The following PCDH7 variants were observed in gnomAD, a reference collection of about 807,000 sequenced individuals.
PCDH7 encodes the protein protocadherin 7.
A neutral mutation model predicts 58.9 loss-of-function variants in PCDH7; 17 were observed. That is an observed-to-expected ratio of 0.29 (90% CI 0.20 to 0.43). The LOEUF is 0.43. PCDH7 is among the 20% of genes least tolerant of loss of function. The probability of loss-of-function intolerance (pLI) is 1.00; values close to 1 mark genes in which losing one functional copy is unlikely to be tolerated. For synonymous variants in PCDH7, 664 were observed against 616.4 expected (o/e 1.08, Z -1.14); for missense variants, 1,274 against 1,441.0 (o/e 0.88, Z 1.88).
intron 3 of PCDH7, among the ~76,000 whole-genome samples, chr4:31,082,228 A>T (rs13110574): frequency 0.058 from 8,901 of 152,280 alleles, 527 homozygotes; most frequent in East Asian, 0.33. Context: ...CTTTCTAGAC[A>T]GTGTCCAGTC....
intron 3 of PCDH7, among the ~76,000 whole-genome samples, chr4:31,079,345 T>G (rs199900156): frequency 5.7e-4 from 42 of 74,170 alleles, no homozygotes; most frequent in Middle Eastern, 5.8e-3. Context: ...TATATATATA[T>G]ATATATATAT....
At chr4:30,748,322 T>C (rs1417024053) in intron 1 of PCDH7, among the ~76,000 whole-genome samples, 1 of 152,178 alleles carries the variant, frequency 6.6e-6, no homozygotes, top group Non-Finnish European at 1.5e-5. Context: ...TCTGAGTTTG[T>C]TTTCTGTGCT....
chr4:31,124,298 A>C (rs1398841883), intron 3 of PCDH7, among the ~76,000 whole-genome samples: 9 of 152,166 alleles, frequency 5.9e-5, no homozygotes, highest in Non-Finnish European at 1.2e-4. Flanking sequence ...GCATTTTCTC[A>C]TTTACTTCTC....
intron 2 of PCDH7, among the ~76,000 whole-genome samples, chr4:30,929,921 T>C (rs1264126314): frequency 6.6e-6 from 1 of 152,192 alleles, no homozygotes; most frequent in African/African-American, 2.4e-5. Flanking sequence ...TGAAATTTTA[T>C]ACAGTGAACA....
intron 3 of PCDH7, among the ~76,000 whole-genome samples, chr4:30,967,007 A>ATC (rs1749055472): frequency 6.6e-6 from 1 of 152,144 alleles, no homozygotes; most frequent in African/African-American, 2.4e-5. Context: ...GACTTTTAAC[A>ATC]TCTTAGCTAG....
chr4:30,824,733 A>G (rs1728890792), intron 1 of PCDH7, among the ~76,000 whole-genome samples: 1 of 152,202 alleles, frequency 6.6e-6, no homozygotes, highest in Non-Finnish European at 1.5e-5. Flanking sequence ...GAAGCAGAGC[A>G]CATTGCAGAA....
At chr4:30,769,406 C>T (rs1345791019) in intron 1 of PCDH7, among the ~76,000 whole-genome samples, 2 of 152,192 alleles carry the variant, frequency 1.3e-5, no homozygotes, top group African/African-American at 4.8e-5. Context: ...TCTTTCCTAG[C>T]TTTTTTCACT....
intron 2 of PCDH7, among the ~76,000 whole-genome samples, chr4:30,941,881 T>A (rs1314500559): frequency 6.6e-6 from 1 of 151,932 alleles, no homozygotes; most frequent in Non-Finnish European, 1.5e-5. Flanking sequence ...ATTTACAAGG[T>A]CAGGATGTGA....
rs11463767 is a variant in PCDH7, at chr4:30,758,940, G to GTTTTTT, written c.70+34358_70+34363dup. ...ATTTTTTGTATTTATTTGAAGAAGT[G>GTTTTTT]TTTTTTTTTTTTTTTTTTTGTGATA... On this transcript the variant is annotated intron_variant, in intron 1 of 3. Coordinates refer to the PCDH7 transcript ENST00000509759. Among the ~76,000 whole-genome samples the GTTTTTT allele has an allele frequency of 3.2e-4, 40 of 124,244 alleles. 1 individual carries two copies. The highest frequency in any genetic ancestry group is 9.4e-4 in the African/African-American group (31 of 32,822). The allele number at this position is 124,244 out of a possible 152,430, so 81.5% of individuals were successfully genotyped here. A position where few individuals can be genotyped will look rare whatever the true frequency, so the allele number is the denominator to read the frequency against.
In PCDH7 at chr4:30,721,320, A is replaced by C; in HGVS notation, c.-103A>C. 2.7e-6 allele frequency: 3 copies of C among 1,111,044 alleles called. No homozygotes were observed. Among genetic ancestry groups the C allele is most frequent in the Non-Finnish European group, 3.7e-6 (3 of 816,092 alleles). 68.8% of individuals were successfully genotyped at this position (1,111,044 alleles called of 1,614,324 possible). A position where few individuals can be genotyped will look rare whatever the true frequency, so the allele number is the denominator to read the frequency against. ...TCCCTCTCGCTCCTTCCTTTCCGGG[A>C]GAGGGGAGAGGACTCGGGGGAGGGC... is the stretch of plus-strand genomic sequence containing the variant. On this transcript the variant is annotated 5_prime_UTR_variant, in exon 1 of 2. Coordinates refer to ENST00000361762, the Ensembl canonical transcript of PCDH7. The surrounding 1 kb of genome is among the most constrained non-coding windows in gnomAD (Gnocchi z 6.7).
intron 1 of PCDH7, among the ~76,000 whole-genome samples, chr4:30,728,747 G>T (rs1280037796): frequency 1.3e-5 from 2 of 150,966 alleles, no homozygotes; most frequent in East Asian, 3.9e-4. Context: ...ATTTTAATGA[G>T]CCATCTAGTA....
At chr4:30,910,323 T>C (rs1272128037) in intron 1 of PCDH7, among the ~76,000 whole-genome samples, 1 of 151,888 alleles carries the variant, frequency 6.6e-6, no homozygotes, top group African/African-American at 2.4e-5. Flanking sequence ...AAAATTGACA[T>C]ATGGAATCTA....
At chr4:30,730,794 A>T (rs747305847) in exon 2 of PCDH7, 1 of 1,607,600 alleles carries the variant, frequency 6.2e-7, no homozygotes, top group Non-Finnish European at 8.5e-7. Flanking sequence ...GCTGAATTCC[A>T]CTCTAATATG....
At chr4:30,931,599 A>G (rs953082662) in intron 2 of PCDH7, among the ~76,000 whole-genome samples, 23 of 151,592 alleles carry the variant, frequency 1.5e-4, no homozygotes, top group Non-Finnish European at 2.4e-4. Flanking sequence ...ATAAATATAT[A>G]TATGTAGTAA....
chr4:30,722,358 G>A lies in PCDH7; in HGVS notation c.936G>A (p.Val312=), dbSNP rs1025655933. 6.2e-7 allele frequency: 1 copy of A among 1,612,374 alleles called. No individual in the cohort carries two copies. Among genetic ancestry groups the A allele is most frequent in the Middle Eastern group, 1.6e-4 (1 of 6,062 alleles). Residue 312 remains valine (V), a synonymous_variant, in exon 1 of 2, where the codon GTG becomes GTA. Transcript: ENST00000361762. The surrounding 1 kb of genome is among the most constrained non-coding windows in gnomAD (Gnocchi z 7.6). Reference sequence around the variant, plus strand: ...ACAGCCCCCGCTTCGAGAAGAGCGTGTACGAGGCCGACTTGGCTGAGAACA... The same window carrying A: ...ACAGCCCCCGCTTCGAGAAGAGCGTATACGAGGCCGACTTGGCTGAGAACA...
chr4:30,930,549 C>T (rs530589157), intron 2 of PCDH7, among the ~76,000 whole-genome samples: 6 of 152,190 alleles, frequency 3.9e-5, no homozygotes, highest in East Asian at 1.9e-4. Context: ...AGATAAGTGA[C>T]GTTATCCAAA....
chr4:30,836,126 A>G (rs1030399117), intron 1 of PCDH7, among the ~76,000 whole-genome samples: 1 of 152,208 alleles, frequency 6.6e-6, no homozygotes, highest in African/African-American at 2.4e-5. Flanking sequence ...TGGATAGCTA[A>G]TGGAGAGGGC....
chr4:30,745,437 C>A (rs940699687), intron 1 of PCDH7, among the ~76,000 whole-genome samples: 3 of 152,000 alleles, frequency 2.0e-5, no homozygotes, highest in Non-Finnish European at 4.4e-5. Flanking sequence ...TATCAGCTGG[C>A]TTTCAGATAA....
At chr4:30,804,784 A>G (rs1725976222) in intron 1 of PCDH7, among the ~76,000 whole-genome samples, 2 of 152,194 alleles carry the variant, frequency 1.3e-5, no homozygotes, top group African/African-American at 4.8e-5. Flanking sequence ...TAAGACAAAC[A>G]TAAAATATCT....
Sources: gnomAD v4.1 joint callset for allele counts (sites outside exome capture counted in the v4.1 genomes callset) on GRCh38, gnomAD v4.1.1 for gene constraint, Gnocchi (gnomAD v3.1) non-coding constraint, MANE v1.5 for transcripts, NCBI Gene and HGNC (gene_info 2026-07-23, HGNC 2026-07-21) for gene names.